Variants in EML1 observed in about 807,000 individuals in gnomAD.
The protein encoded by EML1 is echinoderm microtubule-associated protein-like 1.
Under a neutral mutation model 110.4 loss-of-function variants are expected in EML1, and 27 were observed. The observed-to-expected ratio is 0.24, with a 90% CI of 0.18 to 0.34. The LOEUF is 0.34. EML1 is among the 10% of genes least tolerant of loss of function. The pLI, the probability that EML1 is intolerant of heterozygous loss-of-function variation, is 1.00. For missense variants in EML1, 741 were observed against 1,030.9 expected, an observed-to-expected ratio of 0.72 and a Z score of 3.85; for synonymous variants, 344 against 385.8, an observed-to-expected ratio of 0.89 and a Z score of 1.27.
intron 1 of EML1, among the ~76,000 whole-genome samples, chr14:99,807,079 T>C (rs1405121348): frequency 1.3e-5 from 2 of 152,148 alleles, no homozygotes; most frequent in African/African-American, 4.8e-5. Context: ...GAACGCCTGA[T>C]TGGAGCATCT....
intron 1 of EML1, among the ~76,000 whole-genome samples, chr14:99,750,793 C>T (rs540823883): frequency 2.6e-5 from 4 of 152,042 alleles, no homozygotes; most frequent in Non-Finnish European, 5.9e-5. Context: ...GTCACCTCCA[C>T]CACCCCGAGT....
chr14:99,838,875 A>G (rs1238874604), intron 1 of EML1, among the ~76,000 whole-genome samples: 1 of 144,542 alleles, frequency 6.9e-6, no homozygotes, highest in Non-Finnish European at 1.5e-5. Flanking sequence ...TTTCTGACAG[A>G]AACAAGAGCA....
At chr14:99,854,091 G>A (rs962930159) in intron 2 of EML1, among the ~76,000 whole-genome samples, 5 of 152,148 alleles carry the variant, frequency 3.3e-5, no homozygotes, top group African/African-American at 1.2e-4. Context: ...CCAATGCTGG[G>A]CGTGGCTGTG....
intron 1 of EML1, among the ~76,000 whole-genome samples, chr14:99,762,896 A>G (rs376485273): frequency 1.1e-4 from 16 of 152,276 alleles, no homozygotes; most frequent in African/African-American, 3.4e-4. Context: ...ATTCTAGGAA[A>G]CTGATATTAT....
chr14:99,876,761 GC>G (rs2059299177), intron 3 of EML1, among the ~76,000 whole-genome samples: 1 of 152,152 alleles, frequency 6.6e-6, no homozygotes, highest in Non-Finnish European at 1.5e-5. Context: ...CCCCCTGCCT[GC>G]CCCTCCCCTC....
chr14:99,740,337 G>C (rs1566844010), intron 1 of EML1, among the ~76,000 whole-genome samples: 1 of 152,204 alleles, frequency 6.6e-6, no homozygotes, highest in Non-Finnish European at 1.5e-5. Context: ...CTTCCCGGGA[G>C]TCCCACCTGC....
chr14:99,760,631 C>CA (rs2057305322), intron 1 of EML1, among the ~76,000 whole-genome samples: 1 of 152,164 alleles, frequency 6.6e-6, no homozygotes, highest in South Asian at 2.1e-4. Context: ...AGCCTCCTTA[C>CA]AGCATGCAAA....
chr14:99,881,925 A>G (rs760146541), intron 4 of EML1, among the ~76,000 whole-genome samples: 1 of 152,184 alleles, frequency 6.6e-6, no homozygotes, highest in Non-Finnish European at 1.5e-5. Flanking sequence ...TGATAGTTTC[A>G]GTCTTCTTGC....
At chr14:99,863,727 C>G (rs2059042953) in intron 2 of EML1, among the ~76,000 whole-genome samples, 1 of 152,218 alleles carries the variant, frequency 6.6e-6, no homozygotes, top group South Asian at 2.1e-4. Flanking sequence ...TTTATCTGTT[C>G]ACCTATCAGA....
intron 1 of EML1, among the ~76,000 whole-genome samples, chr14:99,836,375 T>G (rs577454268): frequency 1.3e-5 from 2 of 152,346 alleles, no homozygotes; most frequent in African/African-American, 4.8e-5. Context: ...GTGTTAACCT[T>G]GTATCATGTA....
intron 9 of EML1, among the ~76,000 whole-genome samples, chr14:99,904,840 G>A (rs1349151284): frequency 6.6e-6 from 1 of 152,210 alleles, no homozygotes; most frequent in Non-Finnish European, 1.5e-5. Flanking sequence ...ACTTTGAACA[G>A]TGGGCTTATA....
chr14:99,875,136 T>A, intron 3 of EML1: 1 of 707,246 alleles, frequency 1.4e-6, no homozygotes, highest in Non-Finnish European at 2.2e-6. Flanking sequence ...TTGACATTTA[T>A]TGTTTTTTTA....
At chr14:99,838,243 G>GA (rs1244375677) in intron 1 of EML1, among the ~76,000 whole-genome samples, 4 of 152,022 alleles carry the variant, frequency 2.6e-5, no homozygotes, top group African/African-American at 9.7e-5. Flanking sequence ...ACTTTAAATA[G>GA]AAAAAAATTG....
In EML1 at chr14:99,936,379, C is replaced by T. The variant is rs1378758934; in HGVS notation, c.2095+45C>T. 3.8e-6 allele frequency: 6 copies of T among 1,565,380 alleles called. No individual in the cohort carries two copies. The highest frequency in any genetic ancestry group is 1.4e-5 in the African/African-American group (1 of 73,802). On this transcript the variant is annotated intron_variant, in intron 19 of 21. Coordinates refer to ENST00000262233, the MANE Select transcript of EML1 (RefSeq NM_004434.3). This position sits in a 1 kb window ranked among gnomAD's most constrained non-coding sequence, Gnocchi z 5.5. ...TGTATGAAGTCTCGATCTCAGAAAG[C>T]GTTCACTCTGAGATCCAGGGGGCCT...
chr14:99,851,181 C>A, intron 2 of EML1, 146 bp downstream of exon 2: 1 of 896,916 alleles, frequency 1.1e-6, no homozygotes, highest in Non-Finnish European at 1.7e-6. Flanking sequence ...TCAACATAAT[C>A]ACACGACGTA....
In EML1 at chr14:99,782,484, A is replaced by G. The variant is rs149606325; in HGVS notation, c.-27+8471A>G. ...GGTGTGGGATGGTGCATTGTTCCCC[A>G]TTGTGTCTCCTGTTCCTGGCACAAC... On this transcript the variant is annotated intron_variant, in intron 1 of 22. Coordinates refer to the EML1 transcript ENST00000327921. Among the ~76,000 whole-genome samples the G allele has an allele frequency of 4.9e-3, 744 of 152,130 alleles. 5 individuals are homozygous for G. The highest frequency in any genetic ancestry group is 0.017 in the African/African-American group (708 of 41,510).
Position 99,919,507 on chromosome 14 carries a change from A to G in EML1, c.1821-1282A>G, listed in dbSNP as rs914350675. On this transcript the variant is annotated intron_variant, in intron 16 of 21. Transcript: ENST00000262233. ...CTCTTTGAGACAGGTAAACCTTCTA[A>G]CTCATCAGGCTCCCACCTTCTGATG... Among the ~76,000 whole-genome samples the G allele has an allele frequency of 1.3e-4, 19 of 151,398 alleles. 1 individual carries two copies. Among genetic ancestry groups the G allele is most frequent in the Admixed American group, 1.1e-3 (17 of 15,178 alleles).
intron 17 of EML1, among the ~76,000 whole-genome samples, chr14:99,931,863 C>G (rs866229464): frequency 2.0e-5 from 3 of 152,238 alleles, no homozygotes; most frequent in Admixed American, 6.5e-5. Context: ...TTCTAATCCT[C>G]ACACTCTGCC....
chr14:99,860,183 A>G (rs533916761), intron 2 of EML1, among the ~76,000 whole-genome samples: 2 of 152,178 alleles, frequency 1.3e-5, no homozygotes, highest in South Asian at 4.2e-4. Context: ...TTCCAAACAC[A>G]GCGTTTCTCA....
Sources: allele counts gnomAD v4.1 joint callset (sites outside exome capture counted in the v4.1 genomes callset), GRCh38; gene constraint gnomAD v4.1.1; non-coding constraint Gnocchi (gnomAD v3.1); transcripts MANE v1.5; gene names NCBI Gene and HGNC (gene_info 2026-07-23, HGNC 2026-07-21).